The following KAZN variants were observed in gnomAD, a reference collection of about 807,000 sequenced individuals.
The protein encoded by KAZN is kazrin, periplakin interacting protein.
A neutral mutation model predicts 87.4 loss-of-function variants in KAZN; 40 were observed. That is an observed-to-expected ratio of 0.46 (90% CI 0.36 to 0.60). The LOEUF (loss-of-function observed/expected upper bound fraction) is 0.60, where lower values mean the gene tolerates loss of function less well. Ranked by LOEUF, KAZN falls within the 20% of genes least tolerant of loss-of-function variation. KAZN has a pLI of 0.00. For missense variants in KAZN, 898 were observed against 1,073.9 expected, an observed-to-expected ratio of 0.84 and a Z score of 2.29; for synonymous variants, 466 against 458.3, an observed-to-expected ratio of 1.02 and a Z score of -0.22.
At chr1:14,412,391 T>C (rs1365754142) in intron 2 of KAZN, among the ~76,000 whole-genome samples, 4 of 152,164 alleles carry the variant, frequency 2.6e-5, no homozygotes, top group African/African-American at 7.2e-5. Flanking sequence ...GTTATCTGCA[T>C]AGAAAACTCA....
rs150445187 is a variant in KAZN, at chr1:14,079,827, G to A, written c.92-100608G>A. Among the ~76,000 whole-genome samples, 679 of 152,206 alleles carry A rather than the reference G, an allele frequency of 4.5e-3. 10 individuals are homozygous for A. The South Asian group carries it at 0.067, about 15-fold the overall frequency. Reference sequence around the variant, plus strand: ...TATAGAGAACTCATTCAATACTTGGGCTGGCACCAAGCCATTCATGAGGGA... The same window carrying A: ...TATAGAGAACTCATTCAATACTTGGACTGGCACCAAGCCATTCATGAGGGA... On this transcript the variant is annotated intron_variant, in intron 1 of 16. Coordinates refer to the KAZN transcript ENST00000636203.
At chr1:13,972,987 AG>A (rs1392625486) in intron 1 of KAZN, among the ~76,000 whole-genome samples, 1 of 152,188 alleles carries the variant, frequency 6.6e-6, no homozygotes, top group Non-Finnish European at 1.5e-5. Flanking sequence ...GAATTGTTTT[AG>A]GTACAATAAA....
At chr1:14,983,624 A>C (rs771113297) in intron 2 of KAZN, among the ~76,000 whole-genome samples, 1 of 152,230 alleles carries the variant, frequency 6.6e-6, no homozygotes, top group African/African-American at 2.4e-5. Flanking sequence ...AAGTCACTGC[A>C]CAGTCTTTGT....
intron 1 of KAZN, among the ~76,000 whole-genome samples, chr1:13,941,903 C>CTT (rs1164788809): frequency 6.6e-6 from 1 of 152,156 alleles, no homozygotes; most frequent in East Asian, 1.9e-4. Context: ...TGTGTCTTCT[C>CTT]TTTTAAGGCA....
chr1:14,625,589 A>C (rs895621333), intron 1 of KAZN, among the ~76,000 whole-genome samples: 1 of 152,210 alleles, frequency 6.6e-6, no homozygotes, highest in African/African-American at 2.4e-5. Flanking sequence ...GGGGGAAAAA[A>C]ACTTTAAGAC....
chr1:14,816,681 A>G (rs1187564469), intron 1 of KAZN, among the ~76,000 whole-genome samples: 2 of 152,238 alleles, frequency 1.3e-5, no homozygotes, highest in African/African-American at 4.8e-5. Flanking sequence ...GTAGAGATAG[A>G]TGATAGATAT....
intron 2 of KAZN, among the ~76,000 whole-genome samples, chr1:14,385,771 GA>G (rs748692749): frequency 5.3e-5 from 8 of 150,152 alleles, no homozygotes; most frequent in African/African-American, 7.4e-5. Context: ...GTGTGGTGCT[GA>G]AAAAAATGTA....
chr1:14,942,805 G>A (rs72871869), intron 1 of KAZN, among the ~76,000 whole-genome samples: 7,470 of 152,208 alleles, frequency 0.049, 563 homozygotes, highest in African/African-American at 0.17. Context: ...GGCCAGAAGG[G>A]TGTCTAGGAG....
At chr1:14,739,459 C>G (rs1479665854) in intron 1 of KAZN, among the ~76,000 whole-genome samples, 1 of 151,972 alleles carries the variant, frequency 6.6e-6, no homozygotes, top group Admixed American at 6.5e-5. Flanking sequence ...TCCTCCTGTT[C>G]GTGTGATAAC....
At chr1:14,350,943 A>G (rs970254731) in intron 2 of KAZN, 10 of 152,428 alleles carry the variant, frequency 6.6e-5, no homozygotes, top group Non-Finnish European at 1.5e-4. Flanking sequence ...ACATTGAAAC[A>G]TGCCTTTCAG....
rs1199122727 is a variant in KAZN, at chr1:15,112,418, T to G, written c.2049-9T>G. On this transcript the variant is annotated splice_polypyrimidine_tract_variant and intron_variant, in intron 13 of 14. Transcript: ENST00000376030. ...CTCCCCTGCTGACTCAAAATGGTCC[T>G]CTCTTCAGCTCCACAGGCATCCGGG... is the stretch of plus-strand genomic sequence containing the variant. 1.3e-5 allele frequency: 21 copies of G among 1,567,952 alleles called. No individual in the cohort carries two copies. Among genetic ancestry groups the G allele is most frequent in the Non-Finnish European group, 1.8e-5 (21 of 1,152,640 alleles).
chr1:14,424,213 G>A (rs754759473), intron 2 of KAZN, among the ~76,000 whole-genome samples: 3 of 152,176 alleles, frequency 2.0e-5, no homozygotes, highest in Non-Finnish European at 2.9e-5. Context: ...TTGTCATGAA[G>A]ATAAAAGGAG....
In KAZN at chr1:13,985,449, C is replaced by T. The variant is rs994897274; in HGVS notation, c.91+91693C>T. Among the ~76,000 whole-genome samples, 128 of 149,400 alleles carry T rather than the reference C, an allele frequency of 8.6e-4. 2 individuals carry two copies. Among genetic ancestry groups the T allele is most frequent in the Admixed American group, 2.9e-3 (44 of 14,938 alleles). ...GAAATCATCATTCTCAGTAAACTAT[C>T]GCAAGAACAAAAAACCAAACACCGC... On this transcript the variant is annotated intron_variant, in intron 1 of 16. Coordinates refer to the KAZN transcript ENST00000636203.
intron 2 of KAZN, among the ~76,000 whole-genome samples, chr1:14,224,923 GA>G (rs1489682475): frequency 6.6e-6 from 1 of 151,964 alleles, no homozygotes; most frequent in Non-Finnish European, 1.5e-5. Context: ...AAATATAAAG[GA>G]GGCTTACAGA....
chr1:14,353,468 C>T (rs935792837), intron 2 of KAZN, among the ~76,000 whole-genome samples: 8 of 152,132 alleles, frequency 5.3e-5, no homozygotes, highest in African/African-American at 1.9e-4. Context: ...ATCCACCCTC[C>T]TCGGCCTCCC....
chr1:14,262,869 GA>G (rs1651188753), intron 2 of KAZN, among the ~76,000 whole-genome samples: 1 of 152,208 alleles, frequency 6.6e-6, no homozygotes, highest in Non-Finnish European at 1.5e-5. Context: ...GCTGTTGAGA[GA>G]GGGGTGTTTT....
chr1:14,183,094 C>A (rs1646232098), intron 2 of KAZN, among the ~76,000 whole-genome samples: 2 of 152,146 alleles, frequency 1.3e-5, no homozygotes, highest in South Asian at 4.1e-4. Flanking sequence ...TCCACAGAAC[C>A]TGGAGGCTGC....
intron 1 of KAZN, among the ~76,000 whole-genome samples, chr1:14,932,356 C>T (rs894434341): frequency 6.6e-6 from 1 of 151,598 alleles, no homozygotes; most frequent in Non-Finnish European, 1.5e-5. Flanking sequence ...GGCATCTCTA[C>T]CTGTGTCAGC....
At chr1:15,064,363 G>A (rs1171072033) in intron 7 of KAZN, among the ~76,000 whole-genome samples, 1 of 152,164 alleles carries the variant, frequency 6.6e-6, no homozygotes, top group Non-Finnish European at 1.5e-5. Context: ...CAGGTACAGG[G>A]TGGGGCCTGG....
Sources: allele counts gnomAD v4.1 joint callset (sites outside exome capture counted in the v4.1 genomes callset), GRCh38; gene constraint gnomAD v4.1.1; transcripts MANE v1.5; gene names NCBI Gene and HGNC (gene_info 2026-07-23, HGNC 2026-07-21).